The following ZNF141 variants were observed in gnomAD, a reference collection of about 807,000 sequenced individuals.
ZNF141 encodes zinc finger protein 141.
A neutral mutation model predicts 11.3 loss-of-function variants in ZNF141; 7 were observed. The ratio of observed to expected loss-of-function variants is 0.62; its 90% CI spans 0.35 to 1.16. ZNF141 has a LOEUF of 1.16. ZNF141 is among the 50% of genes most tolerant of loss of function. The pLI, the probability that ZNF141 is intolerant of heterozygous loss-of-function variation, is 0.02. For missense variants in ZNF141, 535 were observed against 554.0 expected (o/e 0.97, Z 0.34); for synonymous variants, 183 against 190.7 (o/e 0.96, Z 0.33).
chr4:350,120 AT>A, intron 3 of ZNF141: 1 of 533,798 alleles, frequency 1.9e-6, no homozygotes, highest in South Asian at 1.4e-5. Context: ...TGTAGCTGAG[AT>A]TGAATTTGAG....
At chr4:364,742 C>T (rs189631656) in intron 3 of ZNF141, among the ~76,000 whole-genome samples, 9 of 152,238 alleles carry the variant, frequency 5.9e-5, no homozygotes, top group African/African-American at 1.2e-4. Flanking sequence ...AGGTGTCAGT[C>T]GACTCCTACT....
rs193110600 is a variant in ZNF141, at chr4:366,586, G to A, written c.227-6078G>A. Among the ~76,000 whole-genome samples, 98 of 152,346 alleles carry A rather than the reference G, an allele frequency of 6.4e-4. 2 individuals carry two copies. Among genetic ancestry groups the A allele is most frequent in the Non-Finnish European group, 2.6e-4 (18 of 68,032 alleles). ...CAAAGTGCTAGGATTACAGGCGTGAGCCACCACACCCAGCATTATCAATGT... is the reference window on the plus strand; with the variant it reads ...CAAAGTGCTAGGATTACAGGCGTGAACCACCACACCCAGCATTATCAATGT... On this transcript the variant is annotated intron_variant, in intron 3 of 3. Transcript: ENST00000240499.
chr4:360,368 T>C (rs1026318665), intron 3 of ZNF141, among the ~76,000 whole-genome samples: 1 of 152,262 alleles, frequency 6.6e-6, no homozygotes, highest in African/African-American at 2.4e-5. Flanking sequence ...CAATGCTTCA[T>C]TCTCATTAGA....
At position 381,225 on chromosome 4, in the gene ZNF141, C is replaced by G. The variant is rs1403108533; in HGVS notation, c.*7363C>G. ...CTTTGTGCCTGTTTCTCAGTTTTGC[C>G]TAAATGCTACCAATTATCTTACACT... On this transcript the variant is annotated 3_prime_UTR_variant, in exon 4 of 4. Transcript: ENST00000240499. Among the ~76,000 whole-genome samples, 1 of 151,918 alleles carries G rather than the reference C, an allele frequency of 6.6e-6. No homozygotes were observed. The highest frequency in any genetic ancestry group is 6.6e-5 in the Admixed American group (1 of 15,258).
intron 1 of ZNF141, chr4:342,858 A>T: frequency 6.2e-7 from 1 of 1,608,826 alleles, no homozygotes; most frequent in Non-Finnish European, 8.5e-7. Context: ...TCCCAACTGT[A>T]GGCTGAGTGA....
In ZNF141 at chr4:372,790, A is replaced by G. The variant is rs1712134268; in HGVS notation, c.353A>G (p.Lys118Arg). Residue 118 changes from lysine to arginine, a missense_variant, in exon 4 of 4, where the codon AAA (lysine) becomes AGA (arginine). Coordinates refer to ENST00000240499, the MANE Select transcript of ZNF141 (RefSeq NM_003441.4). ...AATTTACAATTAAGAAAAGGCTGTA[A>G]AAGTTTGAATGAGTGTAAGTTGCAG... ...HDNLQLRKGC[K>R]SLNECKLQKG... 1 of 1,613,972 alleles carries G rather than the reference A, an allele frequency of 6.2e-7. No individual in the cohort carries two copies. Among genetic ancestry groups the G allele is most frequent in the Non-Finnish European group, 8.5e-7 (1 of 1,179,918 alleles).
chr4:360,119 C>G (rs1722036874), intron 3 of ZNF141, among the ~76,000 whole-genome samples: 1 of 152,220 alleles, frequency 6.6e-6, no homozygotes, highest in Non-Finnish European at 1.5e-5. Flanking sequence ...CAGCCCTCCT[C>G]AGTCTTCGGT....
At chr4:346,885 A>C (rs1449781275) in intron 3 of ZNF141, among the ~76,000 whole-genome samples, 1 of 123,978 alleles carries the variant, frequency 8.1e-6, no homozygotes, top group East Asian at 2.2e-4. Flanking sequence ...GTATACACAC[A>C]CACACACACC....
At chr4:338,054 G>T (rs899552800) in intron 1 of ZNF141, 68 bp downstream of exon 1, 16 of 1,605,346 alleles carry the variant, frequency 1.0e-5, no homozygotes, top group African/African-American at 1.3e-5. Flanking sequence ...AAATGGCGGC[G>T]GGACCGAGTC....
intron 3 of ZNF141, among the ~76,000 whole-genome samples, chr4:368,220 A>G (rs1553853139): frequency 1.3e-5 from 2 of 152,046 alleles, no homozygotes. Flanking sequence ...TTTTATAAAC[A>G]GTAATGTTTC....
At chr4:366,545 G>GCC (rs1349150734) in intron 3 of ZNF141, among the ~76,000 whole-genome samples, 1 of 152,170 alleles carries the variant, frequency 6.6e-6, no homozygotes, top group East Asian at 1.9e-4. Flanking sequence ...CTCGTGATCT[G>GCC]CCCACCTTGG....
At chr4:362,416 C>A (rs990100149) in intron 3 of ZNF141, among the ~76,000 whole-genome samples, 2 of 152,162 alleles carry the variant, frequency 1.3e-5, no homozygotes, top group East Asian at 3.8e-4. Context: ...GCTTTTCTTG[C>A]CATTGCTTTT....
intron 1 of ZNF141, chr4:342,853 A>C (rs1423670512): frequency 1.9e-6 from 3 of 1,608,748 alleles, no homozygotes; most frequent in Middle Eastern, 1.7e-4. Context: ...ATTCATCCCA[A>C]CTGTAGGCTG....
intron 3 of ZNF141, among the ~76,000 whole-genome samples, chr4:350,449 C>T (rs546025991): frequency 5.3e-5 from 8 of 152,230 alleles, no homozygotes; most frequent in Non-Finnish European, 5.9e-5. Flanking sequence ...TCTGACAAGA[C>T]ATTTTCATTT....
At chr4:364,448 A>G (rs576410377) in intron 3 of ZNF141, among the ~76,000 whole-genome samples, 1 of 152,084 alleles carries the variant, frequency 6.6e-6, no homozygotes, top group East Asian at 1.9e-4. Context: ...GAATTTATCC[A>G]TTTCTTCTAG....
chr4:382,345 C>T lies in ZNF141; in HGVS notation c.*8483C>T, dbSNP rs1712664699. 6.6e-6 allele frequency among the ~76,000 whole-genome samples: 1 copy of T among 152,156 alleles called. No homozygotes were observed. Among genetic ancestry groups the T allele is most frequent in the African/African-American group, 2.4e-5 (1 of 41,434 alleles). On this transcript the variant is annotated 3_prime_UTR_variant, in exon 4 of 4. Transcript: ENST00000240499. The stretch of plus-strand genomic sequence containing the variant: ...ACATCTTGTCCCTTCGAAGCATACT[C>T]TGCTGGTTGGCTAAATTGCACTGGG...
chr4:355,949 T>C (rs559731432), intron 3 of ZNF141, among the ~76,000 whole-genome samples: 16 of 152,216 alleles, frequency 1.1e-4, no homozygotes, highest in Admixed American at 2.6e-4. Context: ...ATTATAATAC[T>C]AGGCTGGGCA....
At chr4:352,866 A>G (rs1197260814) in intron 3 of ZNF141, among the ~76,000 whole-genome samples, 2 of 152,174 alleles carry the variant, frequency 1.3e-5, no homozygotes, top group Non-Finnish European at 1.5e-5. Context: ...GGAGTTAGGG[A>G]AGCCCATGAT....
intron 3 of ZNF141, among the ~76,000 whole-genome samples, chr4:363,061 TG>T (rs1711565006): frequency 6.6e-6 from 1 of 152,246 alleles, no homozygotes; most frequent in Non-Finnish European, 1.5e-5. Context: ...CATTGAGCAG[TG>T]GTTTGTAGTT....
Sources: gnomAD v4.1 joint callset for allele counts (sites outside exome capture counted in the v4.1 genomes callset) on GRCh38, gnomAD v4.1.1 for gene constraint, MANE v1.5 for transcripts, NCBI Gene and HGNC (gene_info 2026-07-23, HGNC 2026-07-21) for gene names.